Variants in HECW1 observed in about 807,000 individuals in gnomAD.
The protein encoded by HECW1 is E3 ubiquitin-protein ligase HECW1.
A neutral mutation model predicts 182.3 loss-of-function variants in HECW1; 61 were observed. The observed-to-expected ratio is 0.33, with a 90% CI of 0.27 to 0.41. HECW1 has a LOEUF of 0.41. Ranked by LOEUF, HECW1 falls within the 10% of genes least tolerant of loss-of-function variation. The pLI is 1.00. For missense variants in HECW1, 1,739 were observed against 2,108.9 expected (o/e 0.82, Z 3.44); for synonymous variants, 859 against 832.6 (o/e 1.03, Z -0.55).
chr7:43,331,895 G>A (rs1811543939), intron 5 of HECW1, among the ~76,000 whole-genome samples: 1 of 152,180 alleles, frequency 6.6e-6, no homozygotes. Flanking sequence ...ATGGGACATT[G>A]AAGGGCAGTT....
chr7:43,372,487 T>C (rs2074150421), intron 6 of HECW1, among the ~76,000 whole-genome samples: 1 of 152,160 alleles, frequency 6.6e-6, no homozygotes, highest in Admixed American at 6.5e-5. Context: ...TCGTTTTCAT[T>C]AGGTATATCT....
intron 26 of HECW1, among the ~76,000 whole-genome samples, chr7:43,547,610 GT>G (rs927492125): frequency 2.6e-5 from 4 of 152,066 alleles, no homozygotes; most frequent in Admixed American, 1.3e-4. Flanking sequence ...AAAGTGCCAG[GT>G]TTTCACACCT....
intron 24 of HECW1, among the ~76,000 whole-genome samples, chr7:43,525,336 T>G (rs1271265220): frequency 2.0e-5 from 3 of 152,258 alleles, no homozygotes; most frequent in Admixed American, 6.5e-5. Context: ...CTAAATAGAA[T>G]GGACAGAATC....
At chr7:43,348,910 G>A (rs1307961399) in intron 5 of HECW1, among the ~76,000 whole-genome samples, 1 of 152,140 alleles carries the variant, frequency 6.6e-6, no homozygotes, top group African/African-American at 2.4e-5. Context: ...AATTTATTGA[G>A]GCTCATTTTA....
rs115434129 is a variant in HECW1, at chr7:43,492,369, T to C, written c.3340+189T>C. On this transcript the variant is annotated intron_variant, in intron 18 of 29. Coordinates refer to ENST00000395891, the MANE Select transcript of HECW1 (RefSeq NM_015052.5). ...CATCCACCCCTCTGTCCTTTTCCCCTCTCCCTTCCTCCTCACCTATCTGTT... is the reference window on the plus strand; with the variant it reads ...CATCCACCCCTCTGTCCTTTTCCCCCCTCCCTTCCTCCTCACCTATCTGTT... 7.0e-3 allele frequency among the ~76,000 whole-genome samples: 1,062 copies of C among 152,158 alleles called. 13 individuals are homozygous for C. The highest frequency in any genetic ancestry group is 0.023 in the African/African-American group (973 of 41,482).
chr7:43,384,855 C>T (rs2074705122), intron 6 of HECW1, among the ~76,000 whole-genome samples: 1 of 152,060 alleles, frequency 6.6e-6, no homozygotes, highest in Non-Finnish European at 1.5e-5. Flanking sequence ...GAACAGCAAC[C>T]GACACACTTC....
chr7:43,251,062 C>G (rs551150227), intron 3 of HECW1, among the ~76,000 whole-genome samples: 8 of 152,200 alleles, frequency 5.3e-5, no homozygotes, highest in Non-Finnish European at 7.3e-5. Flanking sequence ...GACCCCACCC[C>G]CCTTACTGGA....
chr7:43,269,952 G>T (rs930698284), intron 3 of HECW1, among the ~76,000 whole-genome samples: 1 of 152,166 alleles, frequency 6.6e-6, no homozygotes, highest in Non-Finnish European at 1.5e-5. Context: ...GTAAAACAAG[G>T]TTGAGAAGCC....
At chr7:43,235,356 A>G (rs80331923) in intron 2 of HECW1, among the ~76,000 whole-genome samples, 1 of 152,356 alleles carries the variant, frequency 6.6e-6, no homozygotes, top group East Asian at 1.9e-4. Flanking sequence ...AAAGTGTTTA[A>G]AGATAATACT....
chr7:43,398,269 A>G (rs1163928159), intron 7 of HECW1, among the ~76,000 whole-genome samples: 1 of 152,198 alleles, frequency 6.6e-6, no homozygotes, highest in East Asian at 1.9e-4. Context: ...AAAAAATGAA[A>G]TAAAATAAAA....
intron 5 of HECW1, among the ~76,000 whole-genome samples, chr7:43,335,584 T>G (rs1254060898): frequency 6.6e-6 from 1 of 152,244 alleles, no homozygotes; most frequent in African/African-American, 2.4e-5. Context: ...GGAATAAATG[T>G]CTGTAGTTTA....
At chr7:43,368,538 A>C (rs1816924640) in intron 6 of HECW1, among the ~76,000 whole-genome samples, 3 of 152,300 alleles carry the variant, frequency 2.0e-5, no homozygotes, top group Admixed American at 6.5e-5. Context: ...CCCTTCTAGA[A>C]CAGAAAGAAA....
At chr7:43,234,495 T>C (rs1233339371) in intron 2 of HECW1, among the ~76,000 whole-genome samples, 1 of 149,024 alleles carries the variant, frequency 6.7e-6, no homozygotes, top group Non-Finnish European at 1.5e-5. Flanking sequence ...CTGCAGATGC[T>C]CTCCCACCTC....
chr7:43,471,972 G>T (rs1200472388), intron 16 of HECW1, among the ~76,000 whole-genome samples: 2 of 152,122 alleles, frequency 1.3e-5, no homozygotes, highest in Non-Finnish European at 2.9e-5. Context: ...TCCATGAAAT[G>T]GTACAGGAGC....
intron 2 of HECW1, among the ~76,000 whole-genome samples, chr7:43,202,816 T>C (rs745407003): frequency 7.2e-5 from 11 of 152,224 alleles, no homozygotes; most frequent in Non-Finnish European, 1.3e-4. Context: ...TGAAAATGGC[T>C]GATTCCTGCC....
intron 2 of HECW1, among the ~76,000 whole-genome samples, chr7:43,215,440 T>C (rs1265217328): frequency 1.3e-5 from 2 of 152,266 alleles, no homozygotes; most frequent in Non-Finnish European, 2.9e-5. Context: ...TAATTTTATT[T>C]GTATTCCTTT....
intron 17 of HECW1, among the ~76,000 whole-genome samples, chr7:43,491,793 A>G (rs555102643): frequency 1.9e-4 from 29 of 152,238 alleles, no homozygotes; most frequent in African/African-American, 6.7e-4. Flanking sequence ...GGGTTTCACT[A>G]TGTTGGCCAG....
intron 3 of HECW1, among the ~76,000 whole-genome samples, chr7:43,273,118 T>C (rs1323429903): frequency 6.6e-6 from 1 of 152,032 alleles, no homozygotes; most frequent in Admixed American, 6.6e-5. Flanking sequence ...GAGCTAAACA[T>C]TGGGTACTCA....
intron 24 of HECW1, among the ~76,000 whole-genome samples, chr7:43,538,261 A>G (rs1002930987): frequency 6.6e-6 from 1 of 152,124 alleles, no homozygotes; most frequent in African/African-American, 2.4e-5. Flanking sequence ...GAGAAACTGG[A>G]TGAGGGAGGG....
Sources: gnomAD v4.1 joint callset for allele counts (sites outside exome capture counted in the v4.1 genomes callset) on GRCh38, gnomAD v4.1.1 for gene constraint, MANE v1.5 for transcripts, NCBI Gene and HGNC (gene_info 2026-07-23, HGNC 2026-07-21) for gene names.